Variants in ATXN7L1 observed in about 807,000 individuals in gnomAD.
ATXN7L1 encodes ataxin-7-like protein 1.
A neutral mutation model predicts 70.8 loss-of-function variants in ATXN7L1; 15 were observed. The ratio of observed to expected loss-of-function variants is 0.21; its 90% CI spans 0.14 to 0.33. The LOEUF (loss-of-function observed/expected upper bound fraction) is 0.33, where lower values mean the gene tolerates loss of function less well. Ranked by LOEUF, ATXN7L1 falls within the 10% of genes least tolerant of loss-of-function variation. The pLI is 1.00. For missense variants in ATXN7L1, 975 were observed against 1,097.1 expected (o/e 0.89, Z 1.57); for synonymous variants, 440 against 445.1 (o/e 0.99, Z 0.14).
chr7:105,692,415 T>TTCCTTCCTTCCTTCCCTCCCTCCCTCCC (rs1554431662), intron 3 of ATXN7L1, among the ~76,000 whole-genome samples: 24 of 134,764 alleles, frequency 1.8e-4, no homozygotes, highest in Non-Finnish European at 3.1e-4. Context: ...CCTTCCTTCC[T>TTCCTTCCTTCCTTCCCTCCCTCCCTCCC]TCCTTCCTTC....
chr7:105,748,534 C>T (rs954763967), intron 3 of ATXN7L1, among the ~76,000 whole-genome samples: 3 of 152,336 alleles, frequency 2.0e-5, no homozygotes, highest in Admixed American at 6.5e-5. Flanking sequence ...GCTATGCCCT[C>T]GTGAGATCTC....
chr7:105,870,074 G>A (rs568220093), intron 2 of ATXN7L1, among the ~76,000 whole-genome samples: 1 of 152,276 alleles, frequency 6.6e-6, no homozygotes, highest in African/African-American at 2.4e-5. Context: ...AAAGTTAGGA[G>A]ATCGAGACCA....
chr7:105,785,667 G>A (rs994970970), intron 3 of ATXN7L1, among the ~76,000 whole-genome samples: 4 of 152,132 alleles, frequency 2.6e-5, no homozygotes, highest in Non-Finnish European at 5.9e-5. Flanking sequence ...AATCCTACCC[G>A]CAATGTGATG....
At chr7:105,723,841 C>T (rs1482936317) in intron 3 of ATXN7L1, among the ~76,000 whole-genome samples, 1 of 152,162 alleles carries the variant, frequency 6.6e-6, no homozygotes, top group Non-Finnish European at 1.5e-5. Context: ...GGCTAGCAGG[C>T]TTCAAGTGTC....
chr7:105,757,870 G>A (rs1268911821), intron 3 of ATXN7L1, among the ~76,000 whole-genome samples: 2 of 151,800 alleles, frequency 1.3e-5, no homozygotes, highest in African/African-American at 4.8e-5. Context: ...GATTACAGGT[G>A]TGAGCTACCA....
At chr7:105,608,446 G>C (rs1257478094) in intron 11 of ATXN7L1, among the ~76,000 whole-genome samples, 3 of 152,182 alleles carry the variant, frequency 2.0e-5, no homozygotes, top group Non-Finnish European at 2.9e-5. Flanking sequence ...CCCTCTCTCT[G>C]CAGGCAGAGA....
intron 3 of ATXN7L1, among the ~76,000 whole-genome samples, chr7:105,752,411 C>T (rs746317926): frequency 5.9e-5 from 9 of 152,128 alleles, no homozygotes; most frequent in Non-Finnish European, 1.2e-4. Context: ...TGGAATCTCC[C>T]AAGAATTTCT....
At chr7:105,825,618 A>ACGTTTTTTTTTTTTTTTTTTTTTTTTT in intron 2 of ATXN7L1, among the ~76,000 whole-genome samples, 1 of 151,778 alleles carries the variant, frequency 6.6e-6, no homozygotes, top group Non-Finnish European at 1.5e-5. Flanking sequence ...CTCAATAAGC[A>ACGTTTTTTTTTTTTTTTTTTTTTTTTT]TGTTTTTAAG....
chr7:105,628,213 C>G (rs1015069976), intron 7 of ATXN7L1, among the ~76,000 whole-genome samples: 2 of 152,014 alleles, frequency 1.3e-5, no homozygotes, highest in Admixed American at 1.3e-4. Context: ...CAATTTACAT[C>G]AAAACATATC....
chr7:105,693,942 G>A (rs1281271972), intron 3 of ATXN7L1, among the ~76,000 whole-genome samples: 1 of 152,180 alleles, frequency 6.6e-6, no homozygotes, highest in Non-Finnish European at 1.5e-5. Context: ...GACCAAGGAA[G>A]GAGCAGGGGA....
chr7:105,620,157 G>T (rs1259771485), intron 9 of ATXN7L1, 43 bp downstream of exon 9: 14 of 1,546,012 alleles, frequency 9.1e-6, no homozygotes, highest in Non-Finnish European at 1.0e-5. Context: ...AGGTAACTGT[G>T]GGGCAGCTTG....
chr7:105,721,525 T>G (rs940515137), intron 3 of ATXN7L1, among the ~76,000 whole-genome samples: 2 of 152,196 alleles, frequency 1.3e-5, no homozygotes, highest in Non-Finnish European at 2.9e-5. Flanking sequence ...CCCTTACAGA[T>G]GCTCACAGCC....
Position 105,864,547 on chromosome 7 carries a change from G to A in ATXN7L1, c.250+11265C>T, listed in dbSNP as rs138487982. On this transcript the variant is annotated intron_variant, in intron 2 of 11. Transcript: ENST00000419735. ...GTTTTAGTATGACCAGCCTGGGGCCGGGGGCACGAAGTACCCTACAGGACA... is the reference window on the plus strand; with the variant it reads ...GTTTTAGTATGACCAGCCTGGGGCCAGGGGCACGAAGTACCCTACAGGACA... Among the ~76,000 whole-genome samples the A allele has an allele frequency of 7.9e-5, 12 of 151,188 alleles. No homozygotes were observed. In the East Asian group the frequency reaches 2.1e-3, roughly 27 times the overall value.
intron 3 of ATXN7L1, among the ~76,000 whole-genome samples, chr7:105,735,241 T>A (rs1797252395): frequency 6.6e-6 from 1 of 152,188 alleles, no homozygotes; most frequent in Non-Finnish European, 1.5e-5. Context: ...CAGTACTAGC[T>A]CAGCCAGGCA....
intron 3 of ATXN7L1, among the ~76,000 whole-genome samples, chr7:105,727,768 A>G (rs1314330828): frequency 1.3e-5 from 1 of 76,058 alleles, no homozygotes; most frequent in Middle Eastern, 4.9e-3. Flanking sequence ...ATATATATAT[A>G]TATATATATA....
intron 7 of ATXN7L1, among the ~76,000 whole-genome samples, chr7:105,635,845 T>A (rs1239496656): frequency 1.6e-5 from 2 of 124,608 alleles, no homozygotes; most frequent in Non-Finnish European, 3.4e-5. Flanking sequence ...TGTGCGATAG[T>A]TTTTTTTTTT....
chr7:105,648,450 C>G (rs1319678277), intron 4 of ATXN7L1, among the ~76,000 whole-genome samples: 2 of 152,232 alleles, frequency 1.3e-5, no homozygotes, highest in African/African-American at 4.8e-5. Flanking sequence ...TTCTTTACTA[C>G]AGCTGGCAAC....
At chr7:105,654,283 T>C (rs115325598) in intron 4 of ATXN7L1, among the ~76,000 whole-genome samples, 9,195 of 152,336 alleles carry the variant, frequency 0.06, 301 homozygotes, top group East Asian at 0.12. Context: ...GATTGTGCAA[T>C]GACAAAGGTG....
At chr7:105,869,544 T>C (rs1817942837) in intron 2 of ATXN7L1, among the ~76,000 whole-genome samples, 1 of 152,208 alleles carries the variant, frequency 6.6e-6, no homozygotes, top group Non-Finnish European at 1.5e-5. Flanking sequence ...GCAAGACTCC[T>C]AAGCCTGAGC....
Sources: allele counts gnomAD v4.1 joint callset (sites outside exome capture counted in the v4.1 genomes callset), GRCh38; gene constraint gnomAD v4.1.1; transcripts MANE v1.5; gene names NCBI Gene and HGNC (gene_info 2026-07-23, HGNC 2026-07-21).